Variants in PKP4 observed in about 807,000 individuals in gnomAD.
The protein encoded by PKP4 is plakophilin 4.
Under a neutral mutation model 145.1 loss-of-function variants are expected in PKP4, and 90 were observed. The ratio of observed to expected loss-of-function variants is 0.62; its 90% confidence interval spans 0.52 to 0.74. PKP4 has a LOEUF of 0.74. Among genes scored for constraint, PKP4 ranks in the 30% least tolerant of loss-of-function variants. The probability of loss-of-function intolerance (pLI) is 0.00; values close to 1 mark genes in which losing one functional copy is unlikely to be tolerated. For missense variants in PKP4, 1,340 were observed against 1,482.7 expected (o/e 0.90, Z 1.58); for synonymous variants, 563 against 577.2 (o/e 0.98, Z 0.35).
intron 9 of PKP4, among the ~76,000 whole-genome samples, chr2:158,639,189 C>T (rs2105927052): frequency 6.6e-6 from 1 of 152,348 alleles, no homozygotes; most frequent in Non-Finnish European, 1.5e-5. Flanking sequence ...TAAAGGATAA[C>T]TCCTGTTATT....
At chr2:158,643,725 A>AGAAT (rs1558941937) in intron 11 of PKP4, among the ~76,000 whole-genome samples, 1 of 142,960 alleles carries the variant, frequency 7.0e-6, no homozygotes, top group East Asian at 2.1e-4. Flanking sequence ...AAAAAAAAAA[A>AGAAT]AAAGAAAAGA....
At chr2:158,674,485 A>G (rs1006753594) in intron 19 of PKP4, among the ~76,000 whole-genome samples, 2 of 152,190 alleles carry the variant, frequency 1.3e-5, no homozygotes, top group Admixed American at 6.5e-5. Flanking sequence ...CAGATCCGCA[A>G]CCTGGGAGAG....
intron 7 of PKP4, among the ~76,000 whole-genome samples, chr2:158,628,491 T>G (rs2053034564): frequency 6.6e-6 from 1 of 152,210 alleles, no homozygotes; most frequent in Non-Finnish European, 1.5e-5. Flanking sequence ...TACTACTATT[T>G]ATTATGTCAT....
At chr2:158,560,290 A>G (rs1026338272) in intron 2 of PKP4, among the ~76,000 whole-genome samples, 1 of 152,218 alleles carries the variant, frequency 6.6e-6, no homozygotes, top group Non-Finnish European at 1.5e-5. Context: ...TAAATAGAGC[A>G]TTATGGCTGT....
At chr2:158,479,886 T>C (rs1015751946) in intron 1 of PKP4, among the ~76,000 whole-genome samples, 2 of 152,208 alleles carry the variant, frequency 1.3e-5, no homozygotes, top group Non-Finnish European at 2.9e-5. Context: ...TATTGAAATC[T>C]AGGGCTTGCC....
intron 19 of PKP4, among the ~76,000 whole-genome samples, chr2:158,675,564 A>C (rs2057936128): frequency 6.6e-6 from 1 of 152,180 alleles, no homozygotes; most frequent in Non-Finnish European, 1.5e-5. Context: ...GTGGTAGGGA[A>C]TACTCCACTT....
chr2:158,563,235 A>G (rs1490605419), intron 2 of PKP4, among the ~76,000 whole-genome samples: 1 of 152,126 alleles, frequency 6.6e-6, no homozygotes, highest in African/African-American at 2.4e-5. Context: ...TAAGCAAACA[A>G]CTCTTACTCT....
chr2:158,544,332 A>G (rs1303229797), intron 2 of PKP4, among the ~76,000 whole-genome samples: 1 of 152,198 alleles, frequency 6.6e-6, no homozygotes, highest in Non-Finnish European at 1.5e-5. Flanking sequence ...TGTAAAAAGG[A>G]CTGTTATAAA....
chr2:158,560,397 C>T (rs2046416725), intron 2 of PKP4, among the ~76,000 whole-genome samples: 1 of 151,976 alleles, frequency 6.6e-6, no homozygotes, highest in Admixed American at 6.6e-5. Context: ...AAAAATGGAT[C>T]TTCTGTATAT....
intron 7 of PKP4, among the ~76,000 whole-genome samples, chr2:158,626,021 T>C (rs1039754290): frequency 4.6e-5 from 7 of 152,206 alleles, no homozygotes; most frequent in Non-Finnish European, 7.3e-5. Flanking sequence ...TTCAGGGTTT[T>C]TCGTGGAGGG....
At chr2:158,500,706 T>C (rs1392764743) in intron 1 of PKP4, among the ~76,000 whole-genome samples, 1 of 152,194 alleles carries the variant, frequency 6.6e-6, no homozygotes. Flanking sequence ...GGAGCTACCT[T>C]TGCAGAGTTG....
intron 7 of PKP4, among the ~76,000 whole-genome samples, chr2:158,627,870 C>T (rs1384093992): frequency 6.6e-6 from 1 of 151,646 alleles, no homozygotes; most frequent in Non-Finnish European, 1.5e-5. Flanking sequence ...ATAAATAATG[C>T]AGTGGCGTAT....
intron 1 of PKP4, among the ~76,000 whole-genome samples, chr2:158,514,991 A>T (rs776841296): frequency 1.1e-4 from 16 of 152,242 alleles, no homozygotes; most frequent in Non-Finnish European, 2.4e-4. Flanking sequence ...AATCAGCATT[A>T]TTCAGAGACT....
chr2:158,630,496 A>G (rs1028079652), intron 7 of PKP4, among the ~76,000 whole-genome samples: 5 of 152,340 alleles, frequency 3.3e-5, no homozygotes, highest in Admixed American at 3.3e-4. Flanking sequence ...TTTCATAATA[A>G]TGTTAGTTCA....
At chr2:158,630,716 T>C (rs187871144) in intron 7 of PKP4, among the ~76,000 whole-genome samples, 131 of 152,330 alleles carry the variant, frequency 8.6e-4, no homozygotes, top group Admixed American at 1.8e-3. Flanking sequence ...TGAATGAGAC[T>C]GGCAGGTCCG....
intron 1 of PKP4, among the ~76,000 whole-genome samples, chr2:158,484,123 C>G (rs1041430255): frequency 6.6e-6 from 1 of 150,436 alleles, no homozygotes; most frequent in Non-Finnish European, 1.5e-5. Context: ...TCTCGGCTCA[C>G]TGCAAGCTCC....
At chr2:158,542,138 C>T (rs1160276490) in intron 2 of PKP4, among the ~76,000 whole-genome samples, 1 of 152,114 alleles carries the variant, frequency 6.6e-6, no homozygotes, top group Non-Finnish European at 1.5e-5. Context: ...CCTTAGCTGC[C>T]TTATACACCC....
In PKP4 at chr2:158,523,662, T is replaced by C. The variant is rs1345771770; in HGVS notation, c.-5-9518T>C. ...ACTTTGACGAGCTGAGAGAAGAAGG[T>C]TTCAGACGATCAAATTACTCTGAGC... On this transcript the variant is annotated intron_variant, in intron 1 of 21. Coordinates refer to ENST00000389759, the MANE Select transcript of PKP4 (RefSeq NM_003628.6). 6.7e-5 allele frequency among the ~76,000 whole-genome samples: 9 copies of C among 133,486 alleles called. No individual in the cohort carries two copies. In the East Asian group the frequency reaches 1.3e-3, roughly 19 times the overall value. The allele number at this position is 133,486 out of a possible 152,430, so 87.6% of individuals were successfully genotyped here. A position where few individuals can be genotyped will look rare whatever the true frequency, so the allele number is the denominator to read the frequency against.
At chr2:158,581,808 A>G (rs910930047) in intron 3 of PKP4, among the ~76,000 whole-genome samples, 6 of 152,238 alleles carry the variant, frequency 3.9e-5, no homozygotes, top group African/African-American at 7.2e-5. Context: ...TATTTGCAGT[A>G]TGCCTTCTTG....
Sources: gnomAD v4.1 joint callset for allele counts (sites outside exome capture counted in the v4.1 genomes callset) on GRCh38, gnomAD v4.1.1 for gene constraint, MANE v1.5 for transcripts, NCBI Gene and HGNC (gene_info 2026-07-23, HGNC 2026-07-21) for gene names.